The following EGFR variants were observed in gnomAD, a reference collection of about 807,000 sequenced individuals.
EGFR encodes epidermal growth factor receptor.
A neutral mutation model predicts 143.0 loss-of-function variants in EGFR; 58 were observed. The observed-to-expected ratio is 0.41, with a 90% confidence interval of 0.33 to 0.50. The LOEUF is 0.50. EGFR is among the 20% of genes least tolerant of loss of function. The probability of loss-of-function intolerance (pLI) is 0.39; values close to 1 mark genes in which losing one functional copy is unlikely to be tolerated. For missense variants in EGFR, 1,307 were observed against 1,579.0 expected, an observed-to-expected ratio of 0.83 and a Z score of 2.92; for synonymous variants, 613 against 594.4, an observed-to-expected ratio of 1.03 and a Z score of -0.45.
At chr7:55,186,557 A>T (rs73696594) in intron 20 of EGFR, among the ~76,000 whole-genome samples, 3,325 of 152,126 alleles carry the variant, frequency 0.022, 126 homozygotes, top group African/African-American at 0.074. Flanking sequence ...TATGTGAGTT[A>T]TTTTTTTTAT....
chr7:55,170,896 G>C (rs1786316727), intron 15 of EGFR: 2 of 1,414,836 alleles, frequency 1.4e-6, no homozygotes, highest in African/African-American at 1.4e-5. Context: ...TCAAAAGCCA[G>C]ATGTGAAAAC....
At chr7:55,095,335 T>A (rs1208970934) in intron 1 of EGFR, among the ~76,000 whole-genome samples, 1 of 152,206 alleles carries the variant, frequency 6.6e-6, no homozygotes, top group Admixed American at 6.5e-5. Context: ...GTTGTGAGGA[T>A]TAAGTGAGGA....
intron 1 of EGFR, among the ~76,000 whole-genome samples, chr7:55,092,868 G>A (rs1289764643): frequency 6.6e-6 from 1 of 152,254 alleles, no homozygotes; most frequent in Non-Finnish European, 1.5e-5. Context: ...TGTTACTAAA[G>A]ATCTGTCCCT....
intron 19 of EGFR, among the ~76,000 whole-genome samples, chr7:55,177,922 G>A (rs570927662): frequency 1.2e-4 from 19 of 152,348 alleles, no homozygotes; most frequent in Non-Finnish European, 2.4e-4. Flanking sequence ...TGCGTACACC[G>A]AACGGGACAC....
At position 55,128,096 on chromosome 7, in the gene EGFR, C is replaced by G. The variant is rs963623156; in HGVS notation, c.89-14190C>G. On this transcript the variant is annotated intron_variant, in intron 1 of 27. Transcript: ENST00000275493. ...TTAGACCTATAATGGGTGCAAGCAGCGTTCATTCATAGTGGCTTTCTAGAC... is the reference window on the plus strand; with the variant it reads ...TTAGACCTATAATGGGTGCAAGCAGGGTTCATTCATAGTGGCTTTCTAGAC... Among the ~76,000 whole-genome samples, 3 of 152,342 alleles carry G rather than the reference C, an allele frequency of 2.0e-5. No individual in the cohort carries two copies. The South Asian group carries it at 6.2e-4, about 32-fold the overall frequency.
rs1788087621 is a variant in EGFR, at chr7:55,205,796, G to A, written c.*179G>A. 2.3e-6 allele frequency: 2 copies of A among 875,140 alleles called. No individual in the cohort carries two copies. Among genetic ancestry groups the A allele is most frequent in the South Asian group, 3.3e-5 (2 of 60,600 alleles). The allele number at this position is 875,140 out of a possible 1,614,324, so 54.2% of individuals were successfully genotyped here. On this transcript the variant is annotated 3_prime_UTR_variant, in exon 28 of 28. Coordinates refer to ENST00000275493, the MANE Select transcript of EGFR (RefSeq NM_005228.5). ...TTCCACCTCGGGCACATTTTGGGAA[G>A]TTGCATTCCTTTGTCTTCAAACTGT... is the stretch of plus-strand genomic sequence containing the variant.
At chr7:55,077,164 C>T (rs576256369) in intron 1 of EGFR, among the ~76,000 whole-genome samples, 1 of 152,064 alleles carries the variant, frequency 6.6e-6, no homozygotes, top group Non-Finnish European at 1.5e-5. Flanking sequence ...GATGGTATTT[C>T]GGTCAGATCT....
rs892835026 is a variant in EGFR at position 55,112,584 on chromosome 7, C to T, written c.89-29702C>T. On this transcript the variant is annotated intron_variant, in intron 1 of 27. Coordinates refer to ENST00000275493, the MANE Select transcript of EGFR (RefSeq NM_005228.5). ...GGCCATGGCTGCCCCCTCAGAAGGC[C>T]CTGTGGAGTGGCTGGCCGAGCCTCA... Among the ~76,000 whole-genome samples, 18 of 152,308 alleles carry T rather than the reference C, an allele frequency of 1.2e-4. No individual in the cohort carries two copies. In the East Asian group the frequency reaches 2.3e-3, roughly 20 times the overall value.
At position 55,181,423 on chromosome 7, in the gene EGFR, A is replaced by T. The variant is rs2128958752; in HGVS notation, c.2414A>T (p.His805Leu). 1.2e-6 allele frequency: 2 copies of T among 1,614,230 alleles called. No homozygotes were observed. The highest frequency in any genetic ancestry group is 1.7e-6 in the Non-Finnish European group (2 of 1,180,044). The change falls in exon 20 of 28, where the codon CAC (histidine) becomes CTC (leucine). Residue 805 changes from histidine to leucine, a missense_variant. By Grantham distance (99) the His-to-Leu change is moderately conservative (BLOSUM62 -3). This residue lies in a region of EGFR where 348 missense variants were observed against 451.5 expected (regional missense o/e 0.77). Transcript: ENST00000275493. ...TGCCTCCTGGACTATGTCCGGGAACACAAAGACAATATTGGCTCCCAGTAC... is the reference window on the plus strand; with the variant it reads ...TGCCTCCTGGACTATGTCCGGGAACTCAAAGACAATATTGGCTCCCAGTAC... ...FGCLLDYVRE[H>L]KDNIGSQYLL...
chr7:55,030,457 G>A (rs73131825), intron 1 of EGFR, among the ~76,000 whole-genome samples: 24,400 of 152,066 alleles, frequency 0.16, 2,125 homozygotes, highest in African/African-American at 0.21. Context: ...AAGATACAGG[G>A]CAGTGAATTT....
chr7:55,141,878 T>C (rs1386662867), intron 1 of EGFR, among the ~76,000 whole-genome samples: 1 of 152,254 alleles, frequency 6.6e-6, no homozygotes, highest in Non-Finnish European at 1.5e-5. Context: ...ATTTTTTGCC[T>C]ACTGGAGCTC....
chr7:55,063,938 C>T (rs112140520), intron 1 of EGFR, among the ~76,000 whole-genome samples: 18 of 152,284 alleles, frequency 1.2e-4, no homozygotes, highest in African/African-American at 4.8e-5. Flanking sequence ...CTTGGCTTCT[C>T]ATCTCCACAC....
At chr7:55,167,135 T>C (rs1281644903) in intron 15 of EGFR, among the ~76,000 whole-genome samples, 2 of 136,902 alleles carry the variant, frequency 1.5e-5, no homozygotes, top group Non-Finnish European at 3.1e-5. Context: ...ATGGTGGCGA[T>C]GGTGATGAGG....
chr7:55,205,901 A>G lies in EGFR; in HGVS notation c.*284A>G, dbSNP rs1438175546. 2.1e-6 allele frequency: 1 copy of G among 481,690 alleles called. No individual in the cohort carries two copies. Among genetic ancestry groups the G allele is most frequent in the African/African-American group, 1.9e-5 (1 of 51,644 alleles). 29.8% of individuals were successfully genotyped at this position (481,690 alleles called of 1,614,324 possible). On this transcript the variant is annotated 3_prime_UTR_variant, in exon 28 of 28. Transcript: ENST00000275493. ...TATCTTTCAAAGAGGTATATTTGAAAAAAAAAAAAAGTATATGTGAGGATT... is the reference window on the plus strand; with the variant it reads ...TATCTTTCAAAGAGGTATATTTGAAGAAAAAAAAAAGTATATGTGAGGATT...
intron 1 of EGFR, among the ~76,000 whole-genome samples, chr7:55,062,637 A>T (rs1368194946): frequency 6.6e-6 from 1 of 152,146 alleles, no homozygotes; most frequent in African/African-American, 2.4e-5. Context: ...TAAGCAACCA[A>T]AGAGTCCCAT....
intron 1 of EGFR, among the ~76,000 whole-genome samples, chr7:55,080,367 T>G (rs1790392294): frequency 7.2e-6 from 1 of 138,164 alleles, no homozygotes; most frequent in African/African-American, 3.0e-5. Context: ...CTATTCAGTC[T>G]TAAAAAAAAA....
chr7:55,206,325 T>C lies in EGFR; in HGVS notation c.*708T>C, dbSNP rs751311059. The C allele has an allele frequency of 7.0e-4, 165 of 234,136 alleles. No individual in the cohort carries two copies. The highest frequency in any genetic ancestry group is 1.3e-3 in the Non-Finnish European group (152 of 118,806). The allele number at this position is 234,136 out of a possible 1,614,324, so 14.5% of individuals were successfully genotyped here. On this transcript the variant is annotated 3_prime_UTR_variant, in exon 28 of 28. Transcript: ENST00000275493. ...TTACTCCCCACTGATGGACCAGTGG[T>C]TTCCAGTCATGAGCGTTAGACTGAC...
chr7:55,193,074 G>C (rs370723591), intron 22 of EGFR, among the ~76,000 whole-genome samples: 17 of 152,172 alleles, frequency 1.1e-4, no homozygotes, highest in African/African-American at 2.2e-4. Context: ...CTGGCAGGGT[G>C]GGGGGTATGG....
At chr7:55,172,449 C>G (rs17337058) in intron 16 of EGFR, among the ~76,000 whole-genome samples, 1 of 152,112 alleles carries the variant, frequency 6.6e-6, no homozygotes, top group Non-Finnish European at 1.5e-5. Flanking sequence ...TCCTTTATAA[C>G]CCCTTTCAAG....
Sources: gnomAD v4.1 joint callset for allele counts (sites outside exome capture counted in the v4.1 genomes callset) on GRCh38, gnomAD v4.1.1 for gene constraint, gnomAD v4.1.1 regional missense constraint, MANE v1.5 for transcripts, NCBI Gene and HGNC (gene_info 2026-07-23, HGNC 2026-07-21) for gene names.